The following STK32B variants were observed in gnomAD, a reference collection of about 807,000 sequenced individuals.
STK32B encodes serine/threonine-protein kinase 32B.
STK32B carries 43 observed loss-of-function variants against 52.6 expected under a neutral mutation model. The ratio of observed to expected loss-of-function variants is 0.82; its 90% confidence interval spans 0.64 to 1.05. The LOEUF (loss-of-function observed/expected upper bound fraction) is 1.05, where lower values mean the gene tolerates loss of function less well. Among genes scored for constraint, STK32B ranks in the 50% least tolerant of loss-of-function variants. STK32B has a pLI of 0.00. For missense variants in STK32B, 621 were observed against 534.6 expected, an observed-to-expected ratio of 1.16 and a Z score of -1.59; for synonymous variants, 238 against 204.3, an observed-to-expected ratio of 1.17 and a Z score of -1.41.
At chr4:5,062,291 C>G (rs1184057844) in intron 1 of STK32B, among the ~76,000 whole-genome samples, 1 of 152,162 alleles carries the variant, frequency 6.6e-6, no homozygotes, top group Non-Finnish European at 1.5e-5. Context: ...TTAAGCAGCT[C>G]TCACTAGGGT....
intron 3 of STK32B, among the ~76,000 whole-genome samples, chr4:5,311,687 A>C (rs1184778115): frequency 6.6e-6 from 1 of 152,132 alleles, no homozygotes; most frequent in Non-Finnish European, 1.5e-5. Flanking sequence ...GCTTAGAAGA[A>C]ATGGACCAAT....
At chr4:5,162,236 A>G (rs575187079) in intron 2 of STK32B, among the ~76,000 whole-genome samples, 41 of 152,338 alleles carry the variant, frequency 2.7e-4, no homozygotes, top group Non-Finnish European at 5.3e-4. Flanking sequence ...CATAAAGGAC[A>G]CTGTGAAGAC....
chr4:5,439,066 T>A (rs1397685068), intron 6 of STK32B, among the ~76,000 whole-genome samples: 1 of 150,334 alleles, frequency 6.7e-6, no homozygotes, highest in African/African-American at 2.5e-5. Context: ...TAAACATATG[T>A]GTGCATGTGT....
chr4:5,439,568 A>G (rs1714498543), intron 6 of STK32B, among the ~76,000 whole-genome samples: 1 of 151,302 alleles, frequency 6.6e-6, no homozygotes, highest in Non-Finnish European at 1.5e-5. Context: ...GTTCACTCTG[A>G]TGGTAGTTTC....
intron 3 of STK32B, among the ~76,000 whole-genome samples, chr4:5,262,436 T>G (rs554868910): frequency 5.2e-4 from 78 of 150,942 alleles, no homozygotes; most frequent in African/African-American, 1.6e-3. Flanking sequence ...ACCATCTGGC[T>G]AACATGGTGA....
At chr4:5,458,732 A>T (rs940032059) in intron 8 of STK32B, 1 of 152,512 alleles carries the variant, frequency 6.6e-6, no homozygotes, top group East Asian at 1.9e-4. Flanking sequence ...GGGGATGGTC[A>T]TCCTCTTTGA....
chr4:5,021,959 A>G, the STK32B span, among the ~76,000 whole-genome samples: 68 of 152,286 alleles, frequency 4.5e-4, 1 homozygote, highest in South Asian at 0.014. Context: ...CTACCAAGCC[A>G]GGAGTGGGAT....
intron 5 of STK32B, among the ~76,000 whole-genome samples, chr4:5,409,837 C>T (rs191444014): frequency 6.6e-5 from 10 of 152,118 alleles, no homozygotes; most frequent in Non-Finnish European, 1.3e-4. Flanking sequence ...TCCTACCCCA[C>T]GACCAAGGTA....
chr4:5,322,322 T>C (rs1332969314), intron 3 of STK32B, among the ~76,000 whole-genome samples: 1 of 152,206 alleles, frequency 6.6e-6, no homozygotes, highest in African/African-American at 2.4e-5. Context: ...GAGGCTATTC[T>C]TAGCTCCTCT....
rs114841096 is a variant in STK32B, at chr4:5,427,704, C to T, written c.562+10770C>T. Among the ~76,000 whole-genome samples the T allele has an allele frequency of 3.7e-3, 564 of 152,146 alleles. 2 individuals carry two copies. The highest frequency in any genetic ancestry group is 0.013 in the African/African-American group (528 of 41,508). On this transcript the variant is annotated intron_variant, in intron 6 of 11. Transcript: ENST00000282908. ...TAGGGCATACAGTTATGTGTAATAT[C>T]CCCTTATTATCCTTTTAATGAGTGT...
chr4:5,232,296 G>A (rs1724325550), intron 3 of STK32B, among the ~76,000 whole-genome samples: 1 of 152,276 alleles, frequency 6.6e-6, no homozygotes, highest in African/African-American at 2.4e-5. Flanking sequence ...TTTGATTAAT[G>A]TATTAAATAA....
chr4:5,237,257 G>A (rs1724699508), intron 3 of STK32B, among the ~76,000 whole-genome samples: 1 of 152,194 alleles, frequency 6.6e-6, no homozygotes, highest in African/African-American at 2.4e-5. Flanking sequence ...GGCCAGCTCA[G>A]CTCACGCCAG....
intron 6 of STK32B, among the ~76,000 whole-genome samples, chr4:5,445,331 G>A (rs906734303): frequency 6.6e-6 from 1 of 152,186 alleles, no homozygotes; most frequent in Non-Finnish European, 1.5e-5. Context: ...TAGAAACTGA[G>A]TTGAGACAGC....
chr4:5,168,559 A>G, intron 3 of STK32B, 109 bp downstream of exon 3: 4 of 1,285,752 alleles, frequency 3.1e-6, no homozygotes, highest in South Asian at 1.7e-5. Context: ...AAGGGATGCA[A>G]TTTTCTGGGT....
At chr4:5,330,469 T>G (rs541857573) in intron 3 of STK32B, among the ~76,000 whole-genome samples, 1 of 152,190 alleles carries the variant, frequency 6.6e-6, no homozygotes, top group East Asian at 1.9e-4. Flanking sequence ...TAAAACTTAA[T>G]GGTGTGAAAA....
At chr4:5,177,932 G>A (rs1269517072) in intron 3 of STK32B, among the ~76,000 whole-genome samples, 4 of 152,204 alleles carry the variant, frequency 2.6e-5, no homozygotes, top group African/African-American at 9.7e-5. Context: ...TCACAGGCTG[G>A]CACTGAGTAT....
At chr4:5,121,983 A>G (rs1488919948) in intron 1 of STK32B, among the ~76,000 whole-genome samples, 2 of 152,230 alleles carry the variant, frequency 1.3e-5, no homozygotes, top group South Asian at 4.1e-4. Flanking sequence ...ATCAACCTCC[A>G]TAGAACCATG....
intron 1 of STK32B, among the ~76,000 whole-genome samples, chr4:5,064,218 A>G (rs1431349753): frequency 3.4e-5 from 5 of 147,430 alleles, no homozygotes; most frequent in African/African-American, 1.2e-4. Flanking sequence ...AAATATGTAT[A>G]TGCATAAATA....
At chr4:5,300,962 T>G (rs1420341304) in intron 3 of STK32B, among the ~76,000 whole-genome samples, 1 of 152,176 alleles carries the variant, frequency 6.6e-6, no homozygotes, top group African/African-American at 2.4e-5. Flanking sequence ...CCTCCTTCTA[T>G]TCCTAGTTTG....
Sources: allele counts gnomAD v4.1 joint callset (sites outside exome capture counted in the v4.1 genomes callset), GRCh38; gene constraint gnomAD v4.1.1; transcripts MANE v1.5; gene names NCBI Gene and HGNC (gene_info 2026-07-23, HGNC 2026-07-21).